The following AUTS2 variants were observed in gnomAD, a reference collection of about 807,000 sequenced individuals.
AUTS2 encodes the protein activator of transcription and developmental regulator AUTS2, also known as autism susceptibility gene 2 protein.
In AUTS2, 17 loss-of-function variants were observed where a neutral mutation model predicts 112.4. That is an observed-to-expected ratio of 0.15 (90% CI 0.10 to 0.23). The LOEUF is 0.23. AUTS2 is among the 10% of genes least tolerant of loss of function. The pLI is 1.00. For synonymous variants in AUTS2, 751 were observed against 702.7 expected, an observed-to-expected ratio of 1.07 and a Z score of -1.09; for missense variants, 1,510 against 1,701.6, an observed-to-expected ratio of 0.89 and a Z score of 1.98.
intron 4 of AUTS2, among the ~76,000 whole-genome samples, chr7:70,301,996 T>G (rs574549060): frequency 6.6e-6 from 1 of 152,238 alleles, no homozygotes; most frequent in East Asian, 1.9e-4. Flanking sequence ...CAGGCTTATC[T>G]GGAACTCCTG....
At chr7:69,689,773 G>T (rs1327008488) in intron 1 of AUTS2, among the ~76,000 whole-genome samples, 1 of 151,278 alleles carries the variant, frequency 6.6e-6, no homozygotes, top group Non-Finnish European at 1.5e-5. Flanking sequence ...TATCTCCCAG[G>T]CTCAAGTAAT....
At chr7:70,109,581 C>T (rs541468162) in intron 2 of AUTS2, among the ~76,000 whole-genome samples, 1 of 152,156 alleles carries the variant, frequency 6.6e-6, no homozygotes, top group South Asian at 2.1e-4. Flanking sequence ...AATTTATTAT[C>T]TAAAGATCTG....
intron 4 of AUTS2, among the ~76,000 whole-genome samples, chr7:70,138,923 C>A (rs1806709707): frequency 6.6e-6 from 1 of 152,040 alleles, no homozygotes; most frequent in Non-Finnish European, 1.5e-5. Context: ...TGACTATAAA[C>A]CCTTGAAATA....
chr7:69,935,458 T>C (rs1323937942), intron 2 of AUTS2, among the ~76,000 whole-genome samples: 2 of 152,124 alleles, frequency 1.3e-5, no homozygotes, highest in Non-Finnish European at 2.9e-5. Flanking sequence ...GAGAATAAGA[T>C]TATATAAAAA....
At chr7:69,958,717 A>C (rs769929743) in intron 2 of AUTS2, among the ~76,000 whole-genome samples, 1 of 152,124 alleles carries the variant, frequency 6.6e-6, no homozygotes, top group Non-Finnish European at 1.5e-5. Flanking sequence ...ATCACCTAAA[A>C]GGCTGGTTTA....
At chr7:70,237,832 C>T (rs1689839356) in intron 4 of AUTS2, among the ~76,000 whole-genome samples, 1 of 152,150 alleles carries the variant, frequency 6.6e-6, no homozygotes, top group African/African-American at 2.4e-5. Flanking sequence ...TTCTCCCCCT[C>T]GGCAGGATAA....
At chr7:70,088,450 T>C (rs1213626836) in intron 2 of AUTS2, among the ~76,000 whole-genome samples, 1 of 151,950 alleles carries the variant, frequency 6.6e-6, no homozygotes, top group Non-Finnish European at 1.5e-5. Context: ...ATATTCTTTA[T>C]TGCCTTTCAG....
At chr7:69,827,806 A>G (rs995504191) in intron 1 of AUTS2, among the ~76,000 whole-genome samples, 7 of 152,202 alleles carry the variant, frequency 4.6e-5, no homozygotes, top group African/African-American at 1.4e-4. Context: ...GGATGTCTCT[A>G]TGACTGCTCA....
intron 5 of AUTS2, among the ~76,000 whole-genome samples, chr7:70,479,206 C>A (rs181041318): frequency 2.0e-5 from 3 of 152,118 alleles, no homozygotes; most frequent in African/African-American, 4.8e-5. Flanking sequence ...AAAATCTTGA[C>A]GATGTCCTTT....
chr7:69,619,304 G>C (rs1218430068), intron 1 of AUTS2, among the ~76,000 whole-genome samples: 2 of 152,160 alleles, frequency 1.3e-5, no homozygotes, highest in Admixed American at 6.5e-5. Context: ...AGGCATTAGA[G>C]AGGGGACTAA....
At chr7:70,258,298 A>G (rs566003490) in intron 4 of AUTS2, among the ~76,000 whole-genome samples, 9 of 152,334 alleles carry the variant, frequency 5.9e-5, no homozygotes, top group Non-Finnish European at 1.2e-4. Flanking sequence ...AACTGTGTTC[A>G]TAGGGGAAAG....
At chr7:70,456,143 C>T (rs1322372541) in intron 5 of AUTS2, among the ~76,000 whole-genome samples, 10 of 152,204 alleles carry the variant, frequency 6.6e-5, no homozygotes, top group South Asian at 2.1e-4. Context: ...TAACCCAGCA[C>T]GGAAGTTCAA....
chr7:70,391,997 C>CT (rs1793884512), intron 4 of AUTS2, among the ~76,000 whole-genome samples: 1 of 152,226 alleles, frequency 6.6e-6, no homozygotes, highest in Non-Finnish European at 1.5e-5. Flanking sequence ...CCACAGAGTG[C>CT]TTCCTGACTT....
intron 5 of AUTS2, among the ~76,000 whole-genome samples, chr7:70,491,589 T>TTG (rs71077660): frequency 0.05 from 6,979 of 138,740 alleles, 222 homozygotes; most frequent in Middle Eastern, 0.071. Context: ...TGTATATATA[T>TTG]TGTGTGTGTG....
intron 5 of AUTS2, among the ~76,000 whole-genome samples, chr7:70,620,746 G>A (rs946832674): frequency 2.0e-5 from 3 of 152,192 alleles, no homozygotes; most frequent in Admixed American, 1.3e-4. Context: ...TTAGGGAGAA[G>A]AACTCCACTG....
At position 70,378,210 on chromosome 7, in the gene AUTS2, T is replaced by C. The variant is rs573467558; in HGVS notation, c.661-57542T>C. On this transcript the variant is annotated intron_variant, in intron 4 of 18. Coordinates refer to ENST00000342771, the MANE Select transcript of AUTS2 (RefSeq NM_015570.4). Reference sequence around the variant, plus strand: ...CACTTATGAATGGACACTTGGTTGCTTTCACATTTTCTCTATTGTGAATAA... The same window carrying C: ...CACTTATGAATGGACACTTGGTTGCCTTCACATTTTCTCTATTGTGAATAA... Among the ~76,000 whole-genome samples, 7 of 152,348 alleles carry C rather than the reference T, an allele frequency of 4.6e-5. No homozygotes were observed. The East Asian group carries it at 1.4e-3, about 29-fold the overall frequency.
intron 4 of AUTS2, among the ~76,000 whole-genome samples, chr7:70,303,412 G>GCA (rs569593320): frequency 0.017 from 2,528 of 146,286 alleles, 34 homozygotes; most frequent in African/African-American, 0.035. Flanking sequence ...ATGTGTGCAC[G>GCA]CACACACACA....
intron 1 of AUTS2, among the ~76,000 whole-genome samples, chr7:69,721,878 A>G (rs931835033): frequency 2.0e-5 from 3 of 152,188 alleles, no homozygotes; most frequent in Non-Finnish European, 4.4e-5. Flanking sequence ...TTTGGCTGCT[A>G]GAGCACAGGT....
chr7:69,922,048 G>C (rs1375043703), intron 2 of AUTS2, among the ~76,000 whole-genome samples: 3 of 152,058 alleles, frequency 2.0e-5, no homozygotes, highest in African/African-American at 7.2e-5. Context: ...TGGGCAACAA[G>C]AGTGAAACTC....
Sources: gnomAD v4.1 joint callset for allele counts (sites outside exome capture counted in the v4.1 genomes callset) on GRCh38, gnomAD v4.1.1 for gene constraint, MANE v1.5 for transcripts, NCBI Gene and HGNC (gene_info 2026-07-23, HGNC 2026-07-21) for gene names.